Variants in FRY observed in about 807,000 individuals in gnomAD.
FRY encodes the protein protein furry homolog.
Under a neutral mutation model 348.4 loss-of-function variants are expected in FRY, and 128 were observed. The observed-to-expected ratio is 0.37, with a 90% CI of 0.32 to 0.43. The LOEUF (loss-of-function observed/expected upper bound fraction) is 0.43, where lower values mean the gene tolerates loss of function less well. Among genes scored for constraint, FRY ranks in the 20% least tolerant of loss-of-function variants. The pLI, the probability that FRY is intolerant of heterozygous loss-of-function variation, is 1.00. For missense variants in FRY, 2,736 were observed against 3,695.2 expected (o/e 0.74, Z 6.73); for synonymous variants, 1,370 against 1,374.7 (o/e 1.00, Z 0.08).
chr13:32,207,098 A>T (rs974989490), intron 31 of FRY, among the ~76,000 whole-genome samples: 1 of 152,168 alleles, frequency 6.6e-6, no homozygotes, highest in African/African-American at 2.4e-5. Flanking sequence ...TCTTGGTGCT[A>T]TTATCTGTCA....
Position 32,079,158 on chromosome 13 carries a change from T to C in FRY, c.270+125T>C. 6 of 777,228 alleles carry C rather than the reference T, an allele frequency of 7.7e-6. No homozygotes were observed. The South Asian group carries it at 8.3e-5, about 11-fold the overall frequency. The allele number at this position is 777,228 out of a possible 1,614,324, so 48.1% of individuals were successfully genotyped here. The stretch of plus-strand genomic sequence containing the variant: ...GGTTTGTAAAGGTTCTTTAATATCA[T>C]AGGTAATGTTTTAAAGATAATAGTT... On this transcript the variant is annotated intron_variant, in intron 2 of 60. Transcript: ENST00000542859.
intron 4 of FRY, among the ~76,000 whole-genome samples, chr13:32,122,225 C>G (rs796841457): frequency 6.6e-6 from 1 of 152,082 alleles, no homozygotes; most frequent in Non-Finnish European, 1.5e-5. Context: ...GGGTGGATCA[C>G]AAGGTCAGAA....
intron 1 of FRY, among the ~76,000 whole-genome samples, chr13:32,073,878 A>G (rs1053679342): frequency 1.5e-4 from 23 of 152,180 alleles, no homozygotes; most frequent in African/African-American, 5.6e-4. Context: ...TGTTATAATA[A>G]AAATGTAGCT....
chr13:32,041,697 G>A (rs1172725731), intron 1 of FRY, among the ~76,000 whole-genome samples: 1 of 152,192 alleles, frequency 6.6e-6, no homozygotes, highest in Non-Finnish European at 1.5e-5. Flanking sequence ...TCCAGGTTGA[G>A]GGTGCAAGAC....
intron 7 of FRY, among the ~76,000 whole-genome samples, chr13:32,126,030 G>A (rs1466977652): frequency 6.6e-6 from 1 of 152,170 alleles, no homozygotes; most frequent in African/African-American, 2.4e-5. Flanking sequence ...TAAAATAATT[G>A]TGGTTCATGA....
intron 11 of FRY, among the ~76,000 whole-genome samples, chr13:32,145,133 G>T (rs992963658): frequency 6.6e-6 from 1 of 152,224 alleles, no homozygotes; most frequent in Admixed American, 6.5e-5. Flanking sequence ...AGAGTAACAG[G>T]ATGGGAGGCA....
chr13:32,168,133 G>C (rs1881853601), intron 17 of FRY, among the ~76,000 whole-genome samples: 1 of 152,188 alleles, frequency 6.6e-6, no homozygotes, highest in Non-Finnish European at 1.5e-5. Context: ...CAGCAAGCTG[G>C]AGATGCAGGA....
At chr13:32,105,787 T>G (rs928225456) in intron 3 of FRY, among the ~76,000 whole-genome samples, 2 of 152,184 alleles carry the variant, frequency 1.3e-5, no homozygotes, top group Non-Finnish European at 2.9e-5. Context: ...AAATGATATT[T>G]GTATCAAGTT....
chr13:32,124,435 G>GA, intron 5 of FRY, 59 bp downstream of exon 5: 2 of 1,016,180 alleles, frequency 2.0e-6, no homozygotes, highest in Non-Finnish European at 3.0e-6. Context: ...AAACTACTTA[G>GA]GTTGTAAAAG....
rs1168617246 is a variant in FRY, at chr13:32,296,739, C to G, written c.*1279C>G. 1.3e-5 allele frequency: 2 copies of G among 152,206 alleles called. No homozygotes were observed. The highest frequency in any genetic ancestry group is 2.4e-5 in the African/African-American group (1 of 41,426). The allele number at this position is 152,206 out of a possible 1,614,324, so 9.4% of individuals were successfully genotyped here. A position where few individuals can be genotyped will look rare whatever the true frequency, so the allele number is the denominator to read the frequency against. On this transcript the variant is annotated 3_prime_UTR_variant, in exon 61 of 61. Transcript: ENST00000542859. ...GCCAAAGTAATAACCCCAAGGGGCACCCCTCGCATGTATGATCTGAATGGC... is the reference window on the plus strand; with the variant it reads ...GCCAAAGTAATAACCCCAAGGGGCAGCCCTCGCATGTATGATCTGAATGGC...
intron 31 of FRY, among the ~76,000 whole-genome samples, chr13:32,207,474 A>G (rs1884424382): frequency 6.6e-6 from 1 of 152,144 alleles, no homozygotes; most frequent in Non-Finnish European, 1.5e-5. Flanking sequence ...GAACTGCATC[A>G]TTTGTCAGTC....
intron 7 of FRY, among the ~76,000 whole-genome samples, chr13:32,127,235 T>C (rs1879074383): frequency 6.6e-6 from 1 of 152,196 alleles, no homozygotes; most frequent in Non-Finnish European, 1.5e-5. Context: ...CATTTACTCA[T>C]TTTTGTAATA....
At chr13:32,136,827 T>C (rs761921006) in intron 10 of FRY, 44 bp from the exon 11 acceptor site, 1 of 1,079,160 alleles carries the variant, frequency 9.3e-7, no homozygotes, top group Non-Finnish European at 1.4e-6. Flanking sequence ...ACCTGGTTTG[T>C]TGAAATATAA....
intron 50 of FRY, among the ~76,000 whole-genome samples, chr13:32,253,824 C>T (rs1334761463): frequency 1.3e-5 from 2 of 152,016 alleles, no homozygotes; most frequent in Non-Finnish European, 2.9e-5. Flanking sequence ...TGGTATCAGT[C>T]CTTAAAATAT....
intron 2 of FRY, among the ~76,000 whole-genome samples, chr13:32,087,664 G>A (rs1478033306): frequency 2.0e-5 from 3 of 152,124 alleles, no homozygotes; most frequent in African/African-American, 7.2e-5. Context: ...GTGTAAAAGA[G>A]GTTTTTTCAC....
chr13:32,226,336 C>A (rs950591450), intron 39 of FRY, among the ~76,000 whole-genome samples: 1 of 152,174 alleles, frequency 6.6e-6, no homozygotes, highest in Non-Finnish European at 1.5e-5. Context: ...TGCCTGAGAG[C>A]AGGTCACAGC....
intron 31 of FRY, among the ~76,000 whole-genome samples, chr13:32,205,925 C>T (rs1036134671): frequency 2.0e-5 from 3 of 151,502 alleles, no homozygotes; most frequent in African/African-American, 7.3e-5. Context: ...GAAACCAGAG[C>T]GAAAAGCTGC....
chr13:32,252,073 C>T (rs1887112318), intron 50 of FRY, 121 bp downstream of exon 50: 13 of 755,642 alleles, frequency 1.7e-5, no homozygotes, highest in African/African-American at 3.4e-5. Flanking sequence ...TGATAGCCAC[C>T]GTCTTGAGCA....
At chr13:32,061,232 C>G in intron 1 of FRY, 1 of 513,554 alleles carries the variant, frequency 1.9e-6, no homozygotes, top group Non-Finnish European at 4.0e-6. Context: ...TATGGGAGGA[C>G]TCTTCTAAAG....
Sources: allele counts gnomAD v4.1 joint callset (sites outside exome capture counted in the v4.1 genomes callset), GRCh38; gene constraint gnomAD v4.1.1; transcripts MANE v1.5; gene names NCBI Gene and HGNC (gene_info 2026-07-23, HGNC 2026-07-21).